Variants in DCX observed in about 807,000 individuals in gnomAD.
The protein encoded by DCX is doublecortin.
DCX carries 4 observed loss-of-function variants against 20.9 expected under a neutral mutation model. The ratio of observed to expected loss-of-function variants is 0.19; its 90% CI spans 0.09 to 0.44. The LOEUF (loss-of-function observed/expected upper bound fraction) is 0.44, where lower values mean the gene tolerates loss of function less well. DCX is among the 20% of genes least tolerant of loss of function. DCX has a pLI of 0.99. For synonymous variants in DCX, 103 were observed against 111.4 expected (o/e 0.92, Z 0.47); for missense variants, 133 against 296.9 (o/e 0.45, Z 4.06).
intron 2 of DCX, among the ~76,000 whole-genome samples, chrX:111,408,362 C>A (rs1363864233): frequency 9.0e-6 from 1 of 110,793 alleles, no homozygotes; most frequent in Non-Finnish European, 1.9e-5. Flanking sequence ...GTGGCTCACA[C>A]CTGTAATCCC....
chrX:111,367,933 G>T (rs1924756948), intron 3 of DCX, among the ~76,000 whole-genome samples: 1 of 111,338 alleles, frequency 9.0e-6, no homozygotes, highest in Non-Finnish European at 1.9e-5. Flanking sequence ...ACTCCTTAGA[G>T]TCTTAATTCA....
chrX:111,338,345 C>T (rs1921914287), intron 3 of DCX, among the ~76,000 whole-genome samples: 1 of 111,940 alleles, frequency 8.9e-6, no homozygotes. Flanking sequence ...GAACACAAAC[C>T]ACACTGATTT....
In DCX at chrX:111,324,032, A is replaced by T. The variant is rs185017325; in HGVS notation, c.946+6872T>A. On this transcript the variant is annotated intron_variant, in intron 5 of 6. Coordinates refer to ENST00000636035, the MANE Select transcript of DCX (RefSeq NM_001195553.2). ...ATAGCACCAGGGTGTTGAACCCGGG[A>T]AGCATGATAATTCTATTGTCAGACA... Among the ~76,000 whole-genome samples the T allele has an allele frequency of 8.1e-5, 9 of 111,690 alleles. No homozygotes were observed. In the East Asian group the frequency reaches 2.3e-3, roughly 28 times the overall value.
intron 3 of DCX, among the ~76,000 whole-genome samples, chrX:111,336,908 A>G (rs1463576394): frequency 2.7e-5 from 3 of 111,252 alleles, no homozygotes; most frequent in Non-Finnish European, 5.7e-5. Context: ...TATATGGTGG[A>G]GAAGGAGGAC....
chrX:111,318,037 TA>T (rs2147607199), intron 5 of DCX, among the ~76,000 whole-genome samples: 1 of 107,505 alleles, frequency 9.3e-6, no homozygotes, highest in South Asian at 4.3e-4. Context: ...ATATAAAAAT[TA>T]GCTGGGTGTG....
chrX:111,318,284 A>G (rs779145180), intron 5 of DCX, among the ~76,000 whole-genome samples: 1 of 107,015 alleles, frequency 9.3e-6, no homozygotes, highest in Non-Finnish European at 1.9e-5. Context: ...AATTACTTCA[A>G]CCATTGTGAA....
intron 1 of DCX, chrX:111,411,091 A>G: frequency 1.6e-6 from 1 of 625,977 alleles, no homozygotes; most frequent in Admixed American, 2.7e-5. Flanking sequence ...TGTGCTATTC[A>G]TCAAACCCTT....
intron 3 of DCX, among the ~76,000 whole-genome samples, chrX:111,336,554 T>C (rs1227962377): frequency 8.9e-6 from 1 of 112,147 alleles, no homozygotes; most frequent in Non-Finnish European, 1.9e-5. Context: ...GTTACAGGGT[T>C]GGGAAAATAG....
chrX:111,395,459 T>A (rs892815935), intron 3 of DCX, among the ~76,000 whole-genome samples: 1 of 112,139 alleles, frequency 8.9e-6, no homozygotes, highest in Non-Finnish European at 1.9e-5. Flanking sequence ...GAGGATAAAT[T>A]ACTGAAGAAA....
intron 6 of DCX, among the ~76,000 whole-genome samples, chrX:111,310,725 G>A (rs186516957): frequency 7.4e-4 from 83 of 112,582 alleles, no homozygotes; most frequent in African/African-American, 2.6e-3. Flanking sequence ...AAATTCCACA[G>A]TTAAGAAAAC....
intron 6 of DCX, among the ~76,000 whole-genome samples, chrX:111,305,577 C>T (rs1000550491): frequency 9.3e-6 from 1 of 107,847 alleles, no homozygotes; most frequent in South Asian, 4.0e-4. Flanking sequence ...CTATCCCCGG[C>T]TTCTGGTAAC....
chrX:111,372,128 C>T (rs1367839546), intron 3 of DCX, among the ~76,000 whole-genome samples: 2 of 111,405 alleles, frequency 1.8e-5, no homozygotes, highest in African/African-American at 6.5e-5. Flanking sequence ...TTAACAATGC[C>T]ATTTCCATCA....
At chrX:111,364,908 G>A (rs776031575) in intron 3 of DCX, among the ~76,000 whole-genome samples, 1 of 108,744 alleles carries the variant, frequency 9.2e-6, no homozygotes, top group Non-Finnish European at 1.9e-5. Flanking sequence ...GTTTTGAGAC[G>A]GGGTCTCACT....
chrX:111,319,391 T>C (rs969320655), intron 5 of DCX, among the ~76,000 whole-genome samples: 2 of 111,157 alleles, frequency 1.8e-5, no homozygotes, highest in African/African-American at 6.6e-5. Context: ...AGAGGCCAGA[T>C]AAGCATAGAG....
Position 111,376,241 on chromosome X carries a change from G to A in DCX, c.705+24749C>T, listed in dbSNP as rs138110839. 3.0e-3 allele frequency among the ~76,000 whole-genome samples: 341 copies of A among 111,834 alleles called. 1 individual carries two copies. Among genetic ancestry groups the A allele is most frequent in the East Asian group, 0.03 (105 of 3,499 alleles). On this transcript the variant is annotated intron_variant, in intron 3 of 6. Coordinates refer to ENST00000636035, the MANE Select transcript of DCX (RefSeq NM_001195553.2). ...TTATTCCTGTGTAGTAACACACCCC[G>A]CACAGAGTCCTTTGTCTAGTGGTAA... is the stretch of plus-strand genomic sequence containing the variant.
chrX:111,392,397 TTCA>T (rs1274706177), intron 3 of DCX, among the ~76,000 whole-genome samples: 1 of 111,549 alleles, frequency 9.0e-6, no homozygotes, highest in Non-Finnish European at 1.9e-5. Flanking sequence ...AACCCAAATG[TTCA>T]TCAACAAATG....
chrX:111,310,338 A>G (rs1017159393), intron 6 of DCX, among the ~76,000 whole-genome samples: 5 of 110,875 alleles, frequency 4.5e-5, no homozygotes, highest in African/African-American at 1.6e-4. Flanking sequence ...ATCTCAAAAA[A>G]TAAATAAATA....
chrX:111,400,945 A>T lies in DCX; in HGVS notation c.705+45T>A, dbSNP rs755068960. 1.9e-5 allele frequency: 21 copies of T among 1,131,488 alleles called. No individual in the cohort carries two copies. In the East Asian group the frequency reaches 6.3e-4, roughly 34 times the overall value. The allele number at this position is 1,131,488 out of a possible 1,213,427, so 93.2% of individuals were successfully genotyped here. A position where few individuals can be genotyped will look rare whatever the true frequency, so the allele number is the denominator to read the frequency against. ...TATTTTAGGTATAACATGATCATCT[A>T]AGAATTTAGAAAAAACGGGAAAAGT... On this transcript the variant is annotated intron_variant, in intron 3 of 6. Coordinates refer to ENST00000636035, the MANE Select transcript of DCX (RefSeq NM_001195553.2).
chrX:111,305,341 TGAAGTTTGCA>T (rs2095042790), intron 6 of DCX, among the ~76,000 whole-genome samples: 1 of 112,344 alleles, frequency 8.9e-6, no homozygotes, highest in Non-Finnish European at 1.9e-5. Flanking sequence ...TGTGTATATT[TGAAGTTTGCA>T]ACATAATGTT....
Sources: gnomAD v4.1 joint callset for allele counts (sites outside exome capture counted in the v4.1 genomes callset) on GRCh38, gnomAD v4.1.1 for gene constraint, MANE v1.5 for transcripts, NCBI Gene and HGNC (gene_info 2026-07-23, HGNC 2026-07-21) for gene names.